The following DHX38 variants were observed in gnomAD, a reference collection of about 807,000 sequenced individuals.
The protein encoded by DHX38 is DEAH-box helicase 38, also known as pre-mRNA-splicing factor ATP-dependent RNA helicase PRP16.
In DHX38, 100 loss-of-function variants were observed where a neutral mutation model predicts 153.1. That is an observed-to-expected ratio of 0.65 (90% CI 0.56 to 0.77). DHX38 has a LOEUF of 0.77. DHX38 is among the 30% of genes least tolerant of loss of function. The pLI is 0.00. For synonymous variants in DHX38, 650 were observed against 631.7 expected, an observed-to-expected ratio of 1.03 and a Z score of -0.43; for missense variants, 1,440 against 1,654.0, an observed-to-expected ratio of 0.87 and a Z score of 2.24.
chr16:72,098,387 C>G (rs1413339914), intron 4 of DHX38, among the ~76,000 whole-genome samples: 1 of 152,072 alleles, frequency 6.6e-6, no homozygotes, highest in Non-Finnish European at 1.5e-5. Context: ...GAGCCAAGAT[C>G]ACACCACTGT....
chr16:72,107,811 G>T lies in DHX38; in HGVS notation c.2964+12G>T, dbSNP rs200192111. ...TCTACAGGCCCAAGGTGGGGCAGCG[G>T]CTGGCTCCCCTCTCCCCGGAGGGCT... On this transcript the variant is annotated intron_variant, in intron 21 of 26. Coordinates refer to ENST00000268482, the MANE Select transcript of DHX38 (RefSeq NM_014003.4). The surrounding 1 kb of genome is among the most constrained non-coding windows in gnomAD (Gnocchi z 5.3). 9 of 1,611,624 alleles carry T rather than the reference G, an allele frequency of 5.6e-6. No individual in the cohort carries two copies. In the South Asian group the frequency reaches 6.6e-5, roughly 12 times the overall value.
intron 1 of DHX38, among the ~76,000 whole-genome samples, chr16:72,094,635 CTTAT>C (rs1385271787): frequency 3.3e-5 from 5 of 152,198 alleles, no homozygotes; most frequent in Non-Finnish European, 7.3e-5. Flanking sequence ...TCTTTAGCTC[CTTAT>C]TTGTTCGTCT....
Position 72,112,769 on chromosome 16 carries a change from G to T in DHX38, c.*272G>T. ...GGCTGGACCCATCGCATCTAAAACT[G>T]GCCCAGGACACTTGGTGTATGCGTG... On this transcript the variant is annotated 3_prime_UTR_variant, in exon 27 of 27. Coordinates refer to ENST00000268482, the MANE Select transcript of DHX38 (RefSeq NM_014003.4). 1 of 702,778 alleles carries T rather than the reference G, an allele frequency of 1.4e-6. No homozygotes were observed. Among genetic ancestry groups the T allele is most frequent in the South Asian group, 1.5e-5 (1 of 67,594 alleles). The allele number at this position is 702,778 out of a possible 1,614,324, so 43.5% of individuals were successfully genotyped here.
In DHX38 at chr16:72,104,302, C is replaced by A; in HGVS notation, c.2010+171C>A. The A allele has an allele frequency of 8.5e-7, 1 of 1,182,154 alleles. No individual in the cohort carries two copies. Among genetic ancestry groups the A allele is most frequent in the Non-Finnish European group, 1.2e-6 (1 of 860,206 alleles). 73.2% of individuals were successfully genotyped at this position (1,182,154 alleles called of 1,614,324 possible). A position where few individuals can be genotyped will look rare whatever the true frequency, so the allele number is the denominator to read the frequency against. ...TGTAGTTCATGCTGTTCTTGCTCTG[C>A]TGAGGGTGGCTTGGGGTTTTCTGGG... On this transcript the variant is annotated intron_variant, in intron 14 of 26. Coordinates refer to ENST00000268482, the MANE Select transcript of DHX38 (RefSeq NM_014003.4). This position sits in a 1 kb window ranked among gnomAD's most constrained non-coding sequence, Gnocchi z 4.5.
At chr16:72,112,333 C>T in intron 26 of DHX38, 80 bp from the exon 27 acceptor site, 1 of 1,416,288 alleles carries the variant, frequency 7.1e-7, no homozygotes, top group South Asian at 1.2e-5. Flanking sequence ...AACAGTAAGT[C>T]CTGGGGCTCT....
At chr16:72,100,738 C>T in intron 9 of DHX38, 141 bp downstream of exon 9, 2 of 1,257,304 alleles carry the variant, frequency 1.6e-6, no homozygotes, top group South Asian at 2.9e-5. Context: ...CAAGGCCTGC[C>T]TGGGCAATAT....
rs2042052021 is a variant in DHX38 at position 72,098,513 on chromosome 16, C to G, written c.617-132C>G. On this transcript the variant is annotated intron_variant, in intron 4 of 26. Transcript: ENST00000268482. ...TAAAAACTGTCAAAACCGATCTTAA[C>G]CGTTATAGATACATGCAAGGTTTAG... The G allele has an allele frequency of 2.6e-6, 3 of 1,160,714 alleles. No individual in the cohort carries two copies. The Admixed American group carries it at 8.5e-5, about 33-fold the overall frequency. 71.9% of individuals were successfully genotyped at this position (1,160,714 alleles called of 1,614,324 possible). A position where few individuals can be genotyped will look rare whatever the true frequency, so the allele number is the denominator to read the frequency against.
intron 8 of DHX38, 95 bp downstream of exon 8, chr16:72,099,982 T>C (rs1176906539): frequency 1.3e-5 from 19 of 1,476,006 alleles, no homozygotes; most frequent in Non-Finnish European, 1.6e-5. Flanking sequence ...CAGCACAGCT[T>C]GTCCCCTGAT....
intron 7 of DHX38, 36 bp downstream of exon 7, chr16:72,099,316 T>G: frequency 6.5e-7 from 1 of 1,546,740 alleles, no homozygotes; most frequent in Non-Finnish European, 8.7e-7. Flanking sequence ...TGATCGGGGC[T>G]GGTGGCCGTC....
At chr16:72,099,652 C>G (rs1473721359) in intron 7 of DHX38, 80 bp from the exon 8 acceptor site, 2 of 1,558,214 alleles carry the variant, frequency 1.3e-6, no homozygotes, top group Non-Finnish European at 1.7e-6. Context: ...TCCTACCAAG[C>G]GTCCCTTCTT....
intron 25 of DHX38, 69 bp from the exon 26 acceptor site, chr16:72,110,887 G>A: frequency 6.7e-7 from 1 of 1,503,006 alleles, no homozygotes; most frequent in Non-Finnish European, 8.9e-7. Context: ...GCAGGGACTT[G>A]GGTGCCGACG....
intron 13 of DHX38, 68 bp downstream of exon 13, chr16:72,103,856 G>A: frequency 3.1e-6 from 5 of 1,597,832 alleles, no homozygotes; most frequent in East Asian, 2.2e-5. Flanking sequence ...TTGCTAAAGG[G>A]TGTGATCTGC....
At chr16:72,105,375 G>A (rs761332253) in intron 17 of DHX38, 27 bp downstream of exon 17, 2 of 1,607,894 alleles carry the variant, frequency 1.2e-6, no homozygotes, top group Admixed American at 3.3e-5. Flanking sequence ...GTCCAGGAGT[G>A]GCTCTTGGAG....
chr16:72,097,693 T>C lies in DHX38; in HGVS notation c.528T>C (p.Ser176=). The C allele has an allele frequency of 6.2e-7, 1 of 1,613,994 alleles. No individual in the cohort carries two copies. Among genetic ancestry groups the C allele is most frequent in the Non-Finnish European group, 8.5e-7 (1 of 1,179,954 alleles). ...RKRDRDERDR[S]RHSSRSERDG... is the part of the protein sequence containing the mutation. Reference sequence around the variant, plus strand: ...TCTTCATAGATGAGCGGGATAGAAGTAGGCACAGCAGCAGATCAGAGCGAG... The same window carrying C: ...TCTTCATAGATGAGCGGGATAGAAGCAGGCACAGCAGCAGATCAGAGCGAG... The change falls in exon 4 of 27, where the codon AGT becomes AGC. Residue 176 remains serine, a synonymous_variant. Coordinates refer to ENST00000268482, the MANE Select transcript of DHX38 (RefSeq NM_014003.4).
At chr16:72,099,079 G>C (rs1399718673) in intron 6 of DHX38, 34 bp downstream of exon 6, 2 of 1,610,916 alleles carry the variant, frequency 1.2e-6, no homozygotes, top group East Asian at 2.2e-5. Flanking sequence ...AGAAGAGCAG[G>C]CTTGCTTGCC....
At chr16:72,111,463 G>A (rs577445659) in intron 26 of DHX38, among the ~76,000 whole-genome samples, 4 of 152,290 alleles carry the variant, frequency 2.6e-5, no homozygotes, top group Non-Finnish European at 5.9e-5. Context: ...CCGTGAGAAC[G>A]CCCTCACTTC....
At chr16:72,096,060 T>A (rs2042012574) in intron 1 of DHX38, 79 bp from the exon 2 acceptor site, 1 of 1,422,916 alleles carries the variant, frequency 7.0e-7, no homozygotes, top group South Asian at 1.4e-5. Context: ...ATCACCTACA[T>A]ATAACCATAA....
intron 9 of DHX38, 148 bp downstream of exon 9, chr16:72,100,745 A>G (rs955177959): frequency 1.6e-5 from 19 of 1,208,506 alleles, no homozygotes; most frequent in Admixed American, 2.7e-5. Flanking sequence ...TGCCTGGGCA[A>G]TATAGTGAAA....
intron 18 of DHX38, 68 bp from the exon 19 acceptor site, chr16:72,105,935 CTT>C (rs2144163432): frequency 6.8e-7 from 1 of 1,463,172 alleles, no homozygotes; most frequent in East Asian, 2.3e-5. Context: ...CAGGGCTTGC[CTT>C]TGTCTCAGGC....
Sources: gnomAD v4.1 joint callset for allele counts (sites outside exome capture counted in the v4.1 genomes callset) on GRCh38, gnomAD v4.1.1 for gene constraint, Gnocchi (gnomAD v3.1) non-coding constraint, MANE v1.5 for transcripts, NCBI Gene and HGNC (gene_info 2026-07-23, HGNC 2026-07-21) for gene names.